Variants in NIPAL4 observed in about 807,000 individuals in gnomAD.
NIPAL4 encodes the protein NIPA like domain containing 4.
Under a neutral mutation model 31.6 loss-of-function variants are expected in NIPAL4, and 21 were observed. The ratio of observed to expected loss-of-function variants is 0.67; its 90% CI spans 0.47 to 0.96. The LOEUF is 0.96. Among genes scored for constraint, NIPAL4 ranks in the 40% least tolerant of loss-of-function variants. The pLI is 0.00. For synonymous variants in NIPAL4, 175 were observed against 211.1 expected (o/e 0.83, Z 1.48); for missense variants, 438 against 508.0 (o/e 0.86, Z 1.32).
Position 157,460,550 on chromosome 5 carries a change from G to C in NIPAL4, c.37+193G>C, listed in dbSNP as rs918182840. On this transcript the variant is annotated intron_variant, in intron 1 of 5. Transcript: ENST00000311946. ...AGACTTCACTTTCATCTTCGCAGCTGGGATGGCTGAGAGGAGTCAGGGAAG... is the reference window on the plus strand; with the variant it reads ...AGACTTCACTTTCATCTTCGCAGCTCGGATGGCTGAGAGGAGTCAGGGAAG... 34 of 715,178 alleles carry C rather than the reference G, an allele frequency of 4.8e-5. No homozygotes were observed. In the African/African-American group the frequency reaches 5.7e-4, roughly 12 times the overall value. 44.3% of individuals were successfully genotyped at this position (715,178 alleles called of 1,614,324 possible). A position where few individuals can be genotyped will look rare whatever the true frequency, so the allele number is the denominator to read the frequency against.
At chr5:157,465,991 C>T (rs1475300791) in intron 2 of NIPAL4, among the ~76,000 whole-genome samples, 1 of 149,226 alleles carries the variant, frequency 6.7e-6, no homozygotes, top group Non-Finnish European at 1.5e-5. Context: ...GGAGACCCTG[C>T]AGTGGAGGAG....
rs1373355938 is a variant in NIPAL4, at chr5:157,474,243, C to T, written c.*1283C>T. ...TGCTATGGGGAGTACCTTTGGTCCC[C>T]TCACATTTGGCCAGAGGCATACAAA... On this transcript the variant is annotated 3_prime_UTR_variant, in exon 6 of 6. Coordinates refer to ENST00000311946, the MANE Select transcript of NIPAL4 (RefSeq NM_001099287.2). 2.0e-5 allele frequency: 3 copies of T among 152,252 alleles called. No homozygotes were observed. The highest frequency in any genetic ancestry group is 4.8e-5 in the African/African-American group (2 of 41,438). The allele number at this position is 152,252 out of a possible 1,614,324, so 9.4% of individuals were successfully genotyped here. A position where few individuals can be genotyped will look rare whatever the true frequency, so the allele number is the denominator to read the frequency against.
rs767954408 is a variant in NIPAL4, at chr5:157,472,380, T to C, written c.635T>C (p.Ile212Thr). 2.5e-6 allele frequency: 4 copies of C among 1,612,006 alleles called. No homozygotes were observed. Among genetic ancestry groups the C allele is most frequent in the Non-Finnish European group, 3.4e-6 (4 of 1,179,106 alleles). The change falls in exon 6 of 6, where the codon ATC (isoleucine) becomes ACC (threonine). Residue 212 changes from isoleucine (I) to threonine (T), a missense_variant. By Grantham distance (89) the Ile-to-Thr change is moderately conservative. Transcript: ENST00000311946. ...CTGCTGGTGTCATGCCTCATCCTCATCTTTGTCATTGCCCCACGTTACGGG... is the reference window on the plus strand; with the variant it reads ...CTGCTGGTGTCATGCCTCATCCTCACCTTTGTCATTGCCCCACGTTACGGG... ...VLLLVSCLIL[I>T]FVIAPRYGQR...
intron 4 of NIPAL4, among the ~76,000 whole-genome samples, chr5:157,471,296 C>A (rs747313053): frequency 6.6e-6 from 1 of 152,106 alleles, no homozygotes; most frequent in African/African-American, 2.4e-5. Flanking sequence ...AGTTAATATG[C>A]GGGATACATT....
Position 157,463,166 on chromosome 5 carries a change from T to C in NIPAL4, c.110T>C (p.Val37Ala), listed in dbSNP as rs183419459. Residue 37 changes from valine to alanine, a missense_variant, in exon 2 of 6, where the codon GTG becomes GCG. Transcript: ENST00000311946. ...CQIVNDLSPE[V>A]PSNATFHSWQ... ...ATTGTCAATGACCTCAGCCCTGAGG[T>C]GCCCAGCAATGCCACCTTTCACAGC... 8,299 of 1,613,968 alleles carry C rather than the reference T, an allele frequency of 5.1e-3. 26 individuals carry two copies. The highest frequency in any genetic ancestry group is 6.6e-3 in the Non-Finnish European group (7,796 of 1,179,852).
chr5:157,469,036 C>T (rs190236093), intron 4 of NIPAL4, among the ~76,000 whole-genome samples: 49 of 152,260 alleles, frequency 3.2e-4, no homozygotes, highest in Middle Eastern at 3.4e-3. Context: ...CAGGCCAAGC[C>T]CAAAGCAGTT....
rs780489058 is a variant in NIPAL4 at position 157,473,364 on chromosome 5, C to T, written c.*404C>T. On this transcript the variant is annotated 3_prime_UTR_variant, in exon 6 of 6. Coordinates refer to ENST00000311946, the MANE Select transcript of NIPAL4 (RefSeq NM_001099287.2). The stretch of plus-strand genomic sequence containing the variant: ...AATTCTCCTCCTGAGACGGAATCTC[C>T]GTTGTTGTTGTTGTTGTTGTTTTCT... The T allele has an allele frequency of 1.2e-5, 2 of 164,196 alleles. No homozygotes were observed. Among genetic ancestry groups the T allele is most frequent in the African/African-American group, 2.4e-5 (1 of 41,752 alleles). 10.2% of individuals were successfully genotyped at this position (164,196 alleles called of 1,614,324 possible).
rs753352933 is a variant in NIPAL4 at position 157,463,228 on chromosome 5, A to G, written c.172A>G (p.Ile58Val). ...AATCAGGCAGAACTATGGCTTCTAC[A>G]TCGGCCTGGGCCTGGCATTCCTGTC... ...ERIRQNYGFY[I>V]GLGLAFLSSF... Residue 58 changes from isoleucine to valine, a missense_variant, in exon 2 of 6, where the codon ATC becomes GTC. Transcript: ENST00000311946. 6.2e-7 allele frequency: 1 copy of G among 1,614,036 alleles called. No homozygotes were observed. Among genetic ancestry groups the G allele is most frequent in the South Asian group, 1.1e-5 (1 of 91,084 alleles).
intron 4 of NIPAL4, 68 bp downstream of exon 4, chr5:157,468,880 C>A: frequency 1.8e-6 from 2 of 1,090,260 alleles, no homozygotes; most frequent in Non-Finnish European, 2.7e-6. Flanking sequence ...CTGGAATTGC[C>A]AAGTGGGATC....
intron 2 of NIPAL4, among the ~76,000 whole-genome samples, chr5:157,465,837 T>A (rs899713132): frequency 6.6e-6 from 1 of 151,858 alleles, no homozygotes; most frequent in Non-Finnish European, 1.5e-5. Context: ...TACAGAAAAT[T>A]TTTTTCAATT....
intron 3 of NIPAL4, chr5:157,467,360 C>T (rs1754306381): frequency 4.6e-6 from 2 of 437,788 alleles, no homozygotes; most frequent in Non-Finnish European, 4.3e-6. Flanking sequence ...TCTCAACTTG[C>T]CTTTAAACAT....
intron 1 of NIPAL4, among the ~76,000 whole-genome samples, chr5:157,460,742 A>G (rs1008765293): frequency 6.6e-6 from 1 of 152,106 alleles, no homozygotes; most frequent in African/African-American, 2.4e-5. Flanking sequence ...CTCTGGGTCA[A>G]TGGGAGGACC....
intron 4 of NIPAL4, 121 bp from the exon 5 acceptor site, chr5:157,471,536 G>T: frequency 1.3e-6 from 1 of 741,948 alleles, no homozygotes. Context: ...AACCTTCCAC[G>T]TGAGAAACTA....
intron 1 of NIPAL4, among the ~76,000 whole-genome samples, chr5:157,461,487 G>A (rs894067995): frequency 3.3e-5 from 5 of 152,164 alleles, no homozygotes; most frequent in South Asian, 2.1e-4. Context: ...GAAGGGCGTG[G>A]GGATGAGTTT....
chr5:157,460,326 G>C lies in NIPAL4; in HGVS notation c.6G>C (p.Glu2Asp), dbSNP rs958101284. M[E>D]LRVSNTSCEN... ...GTTCGTGTGCCCCGGGCCCCATGGA[G>C]CTGCGGGTCAGCAACACCAGCTGCG... Residue 2 changes from glutamate (E) to aspartate (D), a missense_variant, in exon 1 of 6, where the codon GAG becomes GAC. Physicochemically the swap from Glu to Asp is conservative, Grantham distance 45. Transcript: ENST00000311946. The C allele has an allele frequency of 1.9e-6, 3 of 1,548,006 alleles. No individual in the cohort carries two copies. The highest frequency in any genetic ancestry group is 2.6e-6 in the Non-Finnish European group (3 of 1,146,268).
At chr5:157,465,165 TGG>T (rs1754218781) in intron 2 of NIPAL4, among the ~76,000 whole-genome samples, 1 of 152,188 alleles carries the variant, frequency 6.6e-6, no homozygotes, top group Non-Finnish European at 1.5e-5. Context: ...TCAGGAACAA[TGG>T]TCATTGCCAT....
intron 3 of NIPAL4, 75 bp from the exon 4 acceptor site, chr5:157,468,647 A>AC: frequency 1.2e-6 from 1 of 859,062 alleles, no homozygotes; most frequent in South Asian, 1.3e-5. Flanking sequence ...AGCTTGTTGC[A>AC]CACGGAATTA....
rs140205051 is a variant in NIPAL4 at position 157,472,236 on chromosome 5, C to T, written c.587-96C>T. 3.6e-3 allele frequency: 4,318 copies of T among 1,202,076 alleles called. 40 individuals carry two copies. The highest frequency in any genetic ancestry group is 0.019 in the South Asian group (1,319 of 70,346). The allele number at this position is 1,202,076 out of a possible 1,614,324, so 74.5% of individuals were successfully genotyped here. Reference sequence around the variant, plus strand: ...CGGGTTTGTCTGACTCTAGAGCCCACGATCTTAATGCTACCTCCCACTGCC... The same window carrying T: ...CGGGTTTGTCTGACTCTAGAGCCCATGATCTTAATGCTACCTCCCACTGCC... On this transcript the variant is annotated intron_variant, in intron 5 of 5. Coordinates refer to ENST00000311946, the MANE Select transcript of NIPAL4 (RefSeq NM_001099287.2).
chr5:157,463,335 T>A lies in NIPAL4; in HGVS notation c.277+2T>A. 1 of 1,605,386 alleles carries A rather than the reference T, an allele frequency of 6.2e-7. No individual in the cohort carries two copies. The highest frequency in any genetic ancestry group is 1.3e-5 in the African/African-American group (1 of 74,890). ...TGGCCACGGGAGCCACTCGAGCTGGTAGGTTCCTGGGCCAGGAGAGGATAG... is the reference window on the plus strand; with the variant it reads ...TGGCCACGGGAGCCACTCGAGCTGGAAGGTTCCTGGGCCAGGAGAGGATAG... On this transcript the variant is annotated splice_donor_variant, in intron 2 of 5. Coordinates refer to ENST00000311946, the MANE Select transcript of NIPAL4 (RefSeq NM_001099287.2). LOFTEE classifies it high-confidence loss of function.
Sources: allele counts gnomAD v4.1 joint callset (sites outside exome capture counted in the v4.1 genomes callset), GRCh38; gene constraint gnomAD v4.1.1; transcripts MANE v1.5; gene names NCBI Gene and HGNC (gene_info 2026-07-23, HGNC 2026-07-21).